Variants in NKAIN3 observed in about 807,000 individuals in gnomAD.
NKAIN3 encodes sodium/potassium transporting ATPase interacting 3, also known as sodium/potassium-transporting ATPase subunit beta-1-interacting protein 3.
In NKAIN3, 25 loss-of-function variants were observed where a neutral mutation model predicts 30.2. That is an observed-to-expected ratio of 0.83 (90% CI 0.60 to 1.16). The LOEUF is 1.16. Among genes scored for constraint, NKAIN3 ranks in the 50% most tolerant of loss-of-function variants. The probability of loss-of-function intolerance (pLI) is 0.00; values close to 1 mark genes in which losing one functional copy is unlikely to be tolerated. For synonymous variants in NKAIN3, 91 were observed against 89.6 expected, an observed-to-expected ratio of 1.02 and a Z score of -0.09; for missense variants, 225 against 254.1, an observed-to-expected ratio of 0.89 and a Z score of 0.78.
At chr8:62,285,003 A>G (rs1006968491) in intron 1 of NKAIN3, among the ~76,000 whole-genome samples, 3 of 152,180 alleles carry the variant, frequency 2.0e-5, no homozygotes, top group South Asian at 4.1e-4. Flanking sequence ...GTGTGGGTTC[A>G]GGAATATACT....
At chr8:62,609,367 A>G (rs1811219118) in intron 3 of NKAIN3, among the ~76,000 whole-genome samples, 1 of 152,184 alleles carries the variant, frequency 6.6e-6, no homozygotes. Flanking sequence ...TTGCTGGAAA[A>G]TGTTTATTTT....
chr8:62,429,507 C>T, intron 1 of NKAIN3, among the ~76,000 whole-genome samples: 1 of 151,858 alleles, frequency 6.6e-6, no homozygotes, highest in Non-Finnish European at 1.5e-5. Flanking sequence ...CTTCAGTTTG[C>T]TGAGGATTTT....
intron 1 of NKAIN3, among the ~76,000 whole-genome samples, chr8:62,293,841 T>C (rs1813734277): frequency 6.6e-6 from 1 of 152,034 alleles, no homozygotes; most frequent in African/African-American, 2.4e-5. Flanking sequence ...AGAGGTGGAG[T>C]CTACAGAGGC....
At chr8:62,375,860 T>A (rs1817063578) in intron 1 of NKAIN3, among the ~76,000 whole-genome samples, 2 of 152,238 alleles carry the variant, frequency 1.3e-5, no homozygotes, top group Non-Finnish European at 2.9e-5. Flanking sequence ...ACTTTGATGC[T>A]GCTGTTCTGA....
chr8:62,991,669 T>C (rs560126376), intron 5 of NKAIN3, among the ~76,000 whole-genome samples: 3 of 152,364 alleles, frequency 2.0e-5, no homozygotes, highest in African/African-American at 4.8e-5. Context: ...TCTCTTTAAA[T>C]GGTTACATTA....
chr8:62,336,473 G>C (rs1036952606), intron 1 of NKAIN3, among the ~76,000 whole-genome samples: 17 of 152,028 alleles, frequency 1.1e-4, no homozygotes, highest in African/African-American at 4.1e-4. Flanking sequence ...TTCACCAACA[G>C]TCTTTTCAAG....
chr8:62,993,075 A>G (rs1288800485), intron 5 of NKAIN3, among the ~76,000 whole-genome samples: 1 of 152,132 alleles, frequency 6.6e-6, no homozygotes, highest in Non-Finnish European at 1.5e-5. Flanking sequence ...TAGGTACAAA[A>G]GAAAAAAGAG....
At chr8:62,429,694 T>TA (rs1804933574) in intron 1 of NKAIN3, among the ~76,000 whole-genome samples, 1 of 151,906 alleles carries the variant, frequency 6.6e-6, no homozygotes, top group African/African-American at 2.4e-5. Flanking sequence ...TTTTGTCTAA[T>TA]AGTGCACCAC....
At chr8:62,708,100 T>C (rs1814591080) in intron 3 of NKAIN3, among the ~76,000 whole-genome samples, 1 of 152,070 alleles carries the variant, frequency 6.6e-6, no homozygotes, top group Non-Finnish European at 1.5e-5. Context: ...ATTTTTATAC[T>C]GGTACCATAC....
chr8:62,269,040 A>G (rs1450233628), intron 1 of NKAIN3, among the ~76,000 whole-genome samples: 1 of 152,112 alleles, frequency 6.6e-6, no homozygotes, highest in Admixed American at 6.6e-5. Flanking sequence ...TTCCTGTACA[A>G]CATCTGTCCC....
chr8:62,889,347 G>C (rs966131552), intron 4 of NKAIN3, among the ~76,000 whole-genome samples: 7 of 152,040 alleles, frequency 4.6e-5, no homozygotes, highest in East Asian at 3.9e-4. Context: ...TCCAGCCTGG[G>C]CAACAAGAGT....
intron 1 of NKAIN3, among the ~76,000 whole-genome samples, chr8:62,501,501 T>C (rs1268362203): frequency 2.0e-5 from 3 of 152,188 alleles, no homozygotes; most frequent in African/African-American, 7.2e-5. Context: ...TTTCTGGTCA[T>C]CTCATTTCTG....
intron 4 of NKAIN3, among the ~76,000 whole-genome samples, chr8:62,862,785 A>T (rs892790724): frequency 6.6e-6 from 1 of 152,238 alleles, no homozygotes; most frequent in Non-Finnish European, 1.5e-5. Context: ...TGAAAAAGAT[A>T]AGAATATTCC....
intron 1 of NKAIN3, among the ~76,000 whole-genome samples, chr8:62,406,594 A>C (rs908127961): frequency 1.3e-5 from 2 of 152,154 alleles, no homozygotes; most frequent in Non-Finnish European, 1.5e-5. Flanking sequence ...AAGACCTATA[A>C]TAATAATGTT....
chr8:62,267,023 T>C (rs996176473), intron 1 of NKAIN3, among the ~76,000 whole-genome samples: 1 of 152,222 alleles, frequency 6.6e-6, no homozygotes, highest in African/African-American at 2.4e-5. Context: ...CCTTGAATTA[T>C]TCCCTGGGTG....
chr8:62,287,342 T>G (rs890664084), intron 1 of NKAIN3, among the ~76,000 whole-genome samples: 1 of 151,998 alleles, frequency 6.6e-6, no homozygotes, highest in Admixed American at 6.6e-5. Flanking sequence ...ATATGGAGTT[T>G]GGGTTACGCT....
intron 3 of NKAIN3, among the ~76,000 whole-genome samples, chr8:62,684,763 C>T (rs958128749): frequency 6.6e-6 from 1 of 151,928 alleles, no homozygotes; most frequent in Non-Finnish European, 1.5e-5. Context: ...TGGGGTGGGC[C>T]CTAATCCACC....
At chr8:62,711,274 G>T (rs1814709642) in intron 3 of NKAIN3, among the ~76,000 whole-genome samples, 1 of 152,138 alleles carries the variant, frequency 6.6e-6, no homozygotes, top group Admixed American at 6.6e-5. Flanking sequence ...GTATTTGGAT[G>T]TCTAGGTCTC....
chr8:62,465,158 A>G (rs1585838470), intron 1 of NKAIN3, among the ~76,000 whole-genome samples: 2 of 152,228 alleles, frequency 1.3e-5, no homozygotes, highest in East Asian at 3.9e-4. Context: ...AATAAAATCC[A>G]GAATTCTAAG....
Sources: gnomAD v4.1 joint callset for allele counts (sites outside exome capture counted in the v4.1 genomes callset) on GRCh38, gnomAD v4.1.1 for gene constraint, MANE v1.5 for transcripts, NCBI Gene and HGNC (gene_info 2026-07-23, HGNC 2026-07-21) for gene names.